The following RALGPS2 variants were observed in gnomAD, a reference collection of about 807,000 sequenced individuals.
The protein encoded by RALGPS2 is Ral GEF with PH domain and SH3 binding motif 2, also known as ras-specific guanine nucleotide-releasing factor RalGPS2.
RALGPS2 carries 43 observed loss-of-function variants against 86.8 expected under a neutral mutation model. The ratio of observed to expected loss-of-function variants is 0.50; its 90% CI spans 0.39 to 0.64. The LOEUF (loss-of-function observed/expected upper bound fraction) is 0.64. Ranked by LOEUF, RALGPS2 falls within the 30% of genes least tolerant of loss-of-function variation. RALGPS2 has a pLI of 0.00. For missense variants in RALGPS2, 536 were observed against 694.6 expected, an observed-to-expected ratio of 0.77 and a Z score of 2.57; for synonymous variants, 243 against 231.3, an observed-to-expected ratio of 1.05 and a Z score of -0.46.
chr1:178,835,593 A>G (rs1446087624), intron 8 of RALGPS2, among the ~76,000 whole-genome samples: 3 of 152,058 alleles, frequency 2.0e-5, no homozygotes, highest in Admixed American at 6.5e-5. Flanking sequence ...GGGTTTCACC[A>G]TATTGGCCAG....
chr1:178,920,332 C>T lies in RALGPS2; in HGVS notation c.*3973C>T, dbSNP rs1219751273. 3 of 151,940 alleles carry T rather than the reference C, an allele frequency of 2.0e-5. No homozygotes were observed. Among genetic ancestry groups the T allele is most frequent in the Non-Finnish European group, 2.9e-5 (2 of 67,868 alleles). The allele number at this position is 151,940 out of a possible 1,614,324, so 9.4% of individuals were successfully genotyped here. ...TTGCTTATTGAAAGCAATTTGATTA[C>T]ACCTATGTTTCAGGTTATAGTGGGG... On this transcript the variant is annotated 3_prime_UTR_variant, in exon 20 of 20. Transcript: ENST00000367635.
intron 1 of RALGPS2, among the ~76,000 whole-genome samples, chr1:178,727,624 G>A (rs1325268299): frequency 6.6e-6 from 1 of 152,208 alleles, no homozygotes; most frequent in Non-Finnish European, 1.5e-5. Flanking sequence ...ATTTTTGTGT[G>A]TGTTTTTAAA....
chr1:178,805,460 G>A (rs1331197379), intron 4 of RALGPS2, among the ~76,000 whole-genome samples: 15 of 151,286 alleles, frequency 9.9e-5, no homozygotes, highest in Non-Finnish European at 2.9e-5. Flanking sequence ...TTTGTATAAG[G>A]TGTAAGGAAG....
intron 12 of RALGPS2, chr1:178,885,507 CAACCTTT>C: frequency 4.0e-6 from 1 of 249,706 alleles, no homozygotes; most frequent in Non-Finnish European, 7.5e-6. Flanking sequence ...AAAAGAGTTA[CAACCTTT>C]ATATCAAGAC....
intron 1 of RALGPS2, among the ~76,000 whole-genome samples, chr1:178,739,958 A>G (rs1001393311): frequency 1.1e-4 from 17 of 152,240 alleles, no homozygotes; most frequent in Non-Finnish European, 1.5e-5. Flanking sequence ...GAATAGGGTC[A>G]TTGATACTAC....
At chr1:178,829,040 A>G (rs894124597) in intron 7 of RALGPS2, among the ~76,000 whole-genome samples, 1 of 152,216 alleles carries the variant, frequency 6.6e-6, no homozygotes, top group Admixed American at 6.5e-5. Context: ...CAGCAGATGA[A>G]TGGATAAAGA....
At chr1:178,789,369 T>C (rs1653840676) in intron 4 of RALGPS2, among the ~76,000 whole-genome samples, 1 of 152,226 alleles carries the variant, frequency 6.6e-6, no homozygotes, top group Non-Finnish European at 1.5e-5. Flanking sequence ...AGACATTGTA[T>C]GTGAAACAAG....
chr1:178,895,137 C>T (rs1044200678), intron 16 of RALGPS2, among the ~76,000 whole-genome samples: 11 of 152,030 alleles, frequency 7.2e-5, no homozygotes, highest in Non-Finnish European at 1.6e-4. Context: ...TCTTCCTCAA[C>T]ACCAGCATAG....
Position 178,833,479 on chromosome 1 carries a change from A to C in RALGPS2, c.536A>C (p.Lys179Thr). 2 of 1,532,896 alleles carry C rather than the reference A, an allele frequency of 1.3e-6. No individual in the cohort carries two copies. The highest frequency in any genetic ancestry group is 1.7e-6 in the Non-Finnish European group (2 of 1,152,298). 95.0% of individuals were successfully genotyped at this position (1,532,896 alleles called of 1,614,324 possible). A position where few individuals can be genotyped will look rare whatever the true frequency, so the allele number is the denominator to read the frequency against. ...TFEKLEYVMS[K>T]EDNYKRLRDY... ...GAAAAATTAGAATATGTAATGAGTA[A>C]AGAAGATAACTACAAAAGACTCAGA... The change falls in exon 8 of 20, where the codon AAA (lysine) becomes ACA (threonine). Residue 179 changes from lysine to threonine, a missense_variant. Lys to Thr is a moderately conservative substitution (Grantham distance 78). Transcript: ENST00000367635.
chr1:178,766,343 G>A (rs565370555), intron 1 of RALGPS2, among the ~76,000 whole-genome samples: 9 of 151,532 alleles, frequency 5.9e-5, no homozygotes, highest in African/African-American at 1.5e-4. Flanking sequence ...CCTCAGCCTC[G>A]CGAGTAGCTG....
chr1:178,905,377 G>C lies in RALGPS2; in HGVS notation c.1631-1399G>C, dbSNP rs955154. On this transcript the variant is annotated intron_variant, in intron 18 of 19. Coordinates refer to ENST00000367635, the MANE Select transcript of RALGPS2 (RefSeq NM_152663.5). ...TTTTATGAAGTCTATCTATACTAAT[G>C]GTTTTTTGCGGGGGAGGGGTGAGTA... is the stretch of plus-strand genomic sequence containing the variant. Among the ~76,000 whole-genome samples the C allele has an allele frequency of 3.3e-3, 498 of 152,180 alleles. 3 individuals are homozygous for C. Among genetic ancestry groups the C allele is most frequent in the African/African-American group, 0.012 (490 of 41,478 alleles).
At chr1:178,772,928 A>G (rs368920501) in intron 1 of RALGPS2, among the ~76,000 whole-genome samples, 241 of 152,228 alleles carry the variant, frequency 1.6e-3, no homozygotes, top group African/African-American at 5.4e-3. Context: ...CAGCCTCCCA[A>G]GAAGCTGGGA....
At chr1:178,746,287 A>C (rs1651326046) in intron 1 of RALGPS2, among the ~76,000 whole-genome samples, 1 of 152,224 alleles carries the variant, frequency 6.6e-6, no homozygotes, top group Non-Finnish European at 1.5e-5. Context: ...TAGATACCTC[A>C]CCACAGAAGA....
At chr1:178,782,001 T>C (rs907542373) in intron 2 of RALGPS2, among the ~76,000 whole-genome samples, 1 of 152,138 alleles carries the variant, frequency 6.6e-6, no homozygotes, top group Non-Finnish European at 1.5e-5. Flanking sequence ...AGCTTAGAAT[T>C]CATCACTCCT....
intron 7 of RALGPS2, among the ~76,000 whole-genome samples, chr1:178,827,866 T>C (rs898996567): frequency 6.6e-6 from 1 of 152,152 alleles, no homozygotes; most frequent in African/African-American, 2.4e-5. Context: ...AATGGGGAAA[T>C]GGTAGTTTCT....
intron 1 of RALGPS2, among the ~76,000 whole-genome samples, chr1:178,752,005 C>G (rs765090280): frequency 4.6e-5 from 7 of 152,092 alleles, no homozygotes; most frequent in Non-Finnish European, 8.8e-5. Context: ...ACTATTCCAT[C>G]CCATGAATGA....
chr1:178,735,448 G>A (rs1249100515), intron 1 of RALGPS2, among the ~76,000 whole-genome samples: 4 of 75,914 alleles, frequency 5.3e-5, no homozygotes, highest in Non-Finnish European at 1.1e-4. Flanking sequence ...TTTTTTTTTT[G>A]ATGCTGTAGC....
chr1:178,810,671 A>G (rs1654935537), intron 5 of RALGPS2, among the ~76,000 whole-genome samples: 3 of 152,168 alleles, frequency 2.0e-5, no homozygotes, highest in South Asian at 4.1e-4. Flanking sequence ...TGTAAAATAT[A>G]TGTAAAATAC....
intron 1 of RALGPS2, among the ~76,000 whole-genome samples, chr1:178,773,332 A>C (rs1374511274): frequency 3.9e-5 from 6 of 152,140 alleles, no homozygotes; most frequent in Non-Finnish European, 7.4e-5. Context: ...TGACAGAGCA[A>C]GACCCTGTCT....
Sources: allele counts gnomAD v4.1 joint callset (sites outside exome capture counted in the v4.1 genomes callset), GRCh38; gene constraint gnomAD v4.1.1; transcripts MANE v1.5; gene names NCBI Gene and HGNC (gene_info 2026-07-23, HGNC 2026-07-21).